The following GLIS1 variants were observed in gnomAD, a reference collection of about 807,000 sequenced individuals.
GLIS1 encodes the protein GLIS family zinc finger 1.
A neutral mutation model predicts 63.8 loss-of-function variants in GLIS1; 24 were observed. The observed-to-expected ratio is 0.38, with a 90% CI of 0.27 to 0.53. The LOEUF (loss-of-function observed/expected upper bound fraction) is 0.53, where lower values mean the gene tolerates loss of function less well. GLIS1 is among the 20% of genes least tolerant of loss of function. The pLI, the probability that GLIS1 is intolerant of heterozygous loss-of-function variation, is 0.85. For synonymous variants in GLIS1, 450 were observed against 482.5 expected, an observed-to-expected ratio of 0.93 and a Z score of 0.88; for missense variants, 1,036 against 1,074.1, an observed-to-expected ratio of 0.96 and a Z score of 0.50.
intron 2 of GLIS1, 97 bp downstream of exon 2, chr1:53,737,709 G>T (rs2100588195): frequency 8.7e-7 from 1 of 1,148,856 alleles, no homozygotes; most frequent in Middle Eastern, 3.3e-4. Flanking sequence ...GAACTCCGAA[G>T]AAAGTTCCAC....
intron 2 of GLIS1, among the ~76,000 whole-genome samples, chr1:53,616,589 G>A (rs761562888): frequency 3.3e-5 from 5 of 152,154 alleles, no homozygotes; most frequent in African/African-American, 4.8e-5. Context: ...CCCAGCTCTG[G>A]ACAGGAGAGG....
chr1:53,681,163 G>A (rs1337772487), intron 2 of GLIS1, among the ~76,000 whole-genome samples: 1 of 152,268 alleles, frequency 6.6e-6, no homozygotes. Flanking sequence ...CCACTGCTCC[G>A]TGATCCACAC....
Position 53,594,563 on chromosome 1 carries a change from C to T in GLIS1, c.865G>A (p.Gly289Arg), listed in dbSNP as rs780087307. ...GGCCGGGCCCGCTTGGAAGGGCCCC[C>T]CAGATCTCCCGTCAGAGGGGGGCTC... ...LRSPPLTGDL[G>R]GPSKRARPGP... Residue 289 changes from glycine (G) to arginine (R), a missense_variant, in exon 4 of 11, where the codon GGG becomes AGG. Around this residue, in one of 3 missense-constraint regions of GLIS1, gnomAD observed 592 missense variants for 593.9 expected, o/e 1.00. Transcript: ENST00000628545. 6.9e-6 allele frequency: 11 copies of T among 1,599,484 alleles called. No individual in the cohort carries two copies. The highest frequency in any genetic ancestry group is 9.4e-6 in the Non-Finnish European group (11 of 1,169,412).
intron 2 of GLIS1, among the ~76,000 whole-genome samples, chr1:53,736,476 C>T (rs1374352717): frequency 6.6e-6 from 1 of 152,086 alleles, no homozygotes; most frequent in African/African-American, 2.4e-5. Flanking sequence ...GTGTATGGAG[C>T]GGGGCAAGCC....
intron 4 of GLIS1, among the ~76,000 whole-genome samples, chr1:53,548,086 G>T (rs1368372515): frequency 6.6e-6 from 1 of 151,194 alleles, no homozygotes; most frequent in Non-Finnish European, 1.5e-5. Flanking sequence ...GTTTTCGCAC[G>T]GGGGGCATTT....
intron 2 of GLIS1, among the ~76,000 whole-genome samples, chr1:53,606,021 T>C (rs1645366291): frequency 6.6e-6 from 1 of 152,238 alleles, no homozygotes; most frequent in Non-Finnish European, 1.5e-5. Context: ...TCTAGCTATT[T>C]GACCCTAGAC....
chr1:53,607,478 T>A (rs1451978394), intron 2 of GLIS1, among the ~76,000 whole-genome samples: 2 of 152,182 alleles, frequency 1.3e-5, no homozygotes, highest in Non-Finnish European at 2.9e-5. Context: ...TAACATACCA[T>A]GATACCAAAG....
At chr1:53,723,525 C>T (rs991269509) in intron 2 of GLIS1, among the ~76,000 whole-genome samples, 39 of 152,036 alleles carry the variant, frequency 2.6e-4, no homozygotes, top group African/African-American at 8.9e-4. Context: ...TGAGCCACCG[C>T]GCCTGGCCTT....
At chr1:53,711,818 T>C (rs1646649913) in intron 2 of GLIS1, among the ~76,000 whole-genome samples, 1 of 152,246 alleles carries the variant, frequency 6.6e-6, no homozygotes, top group South Asian at 2.1e-4. Context: ...GTTTGGAGTC[T>C]AGTCCCTCCT....
chr1:53,717,429 C>G (rs1646712211), intron 2 of GLIS1, among the ~76,000 whole-genome samples: 1 of 152,194 alleles, frequency 6.6e-6, no homozygotes, highest in Non-Finnish European at 1.5e-5. Context: ...GCAGGATACA[C>G]TCCAGAAAAT....
At chr1:53,585,610 G>C (rs1329816239) in intron 4 of GLIS1, among the ~76,000 whole-genome samples, 1 of 152,072 alleles carries the variant, frequency 6.6e-6, no homozygotes, top group Admixed American at 6.6e-5. Context: ...CAGGGAAGGA[G>C]GGCATCCAGC....
chr1:53,694,594 G>A (rs1646444687), intron 2 of GLIS1, among the ~76,000 whole-genome samples: 1 of 152,190 alleles, frequency 6.6e-6, no homozygotes, highest in Non-Finnish European at 1.5e-5. Flanking sequence ...AGCCCAAGCT[G>A]GGCAGACACC....
chr1:53,520,806 A>T (rs1644400775), intron 6 of GLIS1, 40 bp from the exon 7 acceptor site: 1 of 1,553,358 alleles, frequency 6.4e-7, no homozygotes, highest in Non-Finnish European at 8.7e-7. Flanking sequence ...TTAGTGTGAG[A>T]CCCCTGCCCA....
intron 5 of GLIS1, among the ~76,000 whole-genome samples, chr1:53,527,590 T>C (rs1394322760): frequency 6.6e-6 from 1 of 152,212 alleles, no homozygotes; most frequent in Non-Finnish European, 1.5e-5. Context: ...TCTGAGAAAC[T>C]TTCCCGCCCA....
chr1:53,597,176 T>TAAAAAA (rs57607550), intron 3 of GLIS1, among the ~76,000 whole-genome samples: 3 of 19,324 alleles, frequency 1.6e-4, no homozygotes, highest in East Asian at 2.7e-3. Flanking sequence ...CTGTCTCTAC[T>TAAAAAA]AAAAAAAAAA....
intron 4 of GLIS1, among the ~76,000 whole-genome samples, chr1:53,578,505 T>C (rs1179656391): frequency 6.6e-6 from 1 of 152,216 alleles, no homozygotes; most frequent in South Asian, 2.1e-4. Context: ...TCAGCTCATA[T>C]GACTCACACA....
At position 53,529,776 on chromosome 1, in the gene GLIS1, G is replaced by T. The variant is rs1644510000; in HGVS notation, c.1482+15C>A. On this transcript the variant is annotated intron_variant, in intron 5 of 10. Transcript: ENST00000628545. ...ATCCTCCACCCCGCCCTGGGCCTCT[G>T]CCTGTTGGGCCTACCGTGTCTAGGT... 1.2e-6 allele frequency: 2 copies of T among 1,608,086 alleles called. No homozygotes were observed. The highest frequency in any genetic ancestry group is 4.5e-5 in the East Asian group (2 of 44,852).
chr1:53,650,827 T>G (rs1372869202), intron 2 of GLIS1, among the ~76,000 whole-genome samples: 1 of 152,174 alleles, frequency 6.6e-6, no homozygotes, highest in Admixed American at 6.5e-5. Flanking sequence ...CCACTGCAAT[T>G]CTCTCCTCAG....
intron 2 of GLIS1, among the ~76,000 whole-genome samples, chr1:53,619,181 G>A (rs1391100318): frequency 1.3e-5 from 2 of 152,170 alleles, no homozygotes; most frequent in Non-Finnish European, 2.9e-5. Flanking sequence ...CGCCTCCCAA[G>A]ACCCTTTCTG....
Sources: gnomAD v4.1 joint callset for allele counts (sites outside exome capture counted in the v4.1 genomes callset) on GRCh38, gnomAD v4.1.1 for gene constraint, gnomAD v4.1.1 regional missense constraint, MANE v1.5 for transcripts, NCBI Gene and HGNC (gene_info 2026-07-23, HGNC 2026-07-21) for gene names.